The following CTNNA2 variants were observed in gnomAD, a reference collection of about 807,000 sequenced individuals.
CTNNA2 encodes catenin alpha 2, also known as catenin alpha-2.
In CTNNA2, 42 loss-of-function variants were observed where a neutral mutation model predicts 101.0. That is an observed-to-expected ratio of 0.42 (90% confidence interval 0.32 to 0.54). CTNNA2 has a LOEUF of 0.54. Ranked by LOEUF, CTNNA2 falls within the 20% of genes least tolerant of loss-of-function variation. CTNNA2 has a pLI of 0.14. For missense variants in CTNNA2, 871 were observed against 1,223.1 expected (o/e 0.71, Z 4.29); for synonymous variants, 450 against 456.4 (o/e 0.99, Z 0.18).
chr2:79,441,681 C>T (rs1387744516), intron 4 of CTNNA2, among the ~76,000 whole-genome samples: 2 of 152,192 alleles, frequency 1.3e-5, no homozygotes, highest in Non-Finnish European at 2.9e-5. Context: ...TCTACACAAA[C>T]AATGGAGTGG....
intron 2 of CTNNA2, among the ~76,000 whole-genome samples, chr2:79,735,048 T>A (rs979979958): frequency 5.9e-5 from 9 of 152,090 alleles, no homozygotes; most frequent in Non-Finnish European, 8.8e-5. Flanking sequence ...TTATCTGCTT[T>A]AATGTAGAGT....
chr2:80,147,804 T>C (rs1703444757), intron 7 of CTNNA2, among the ~76,000 whole-genome samples: 1 of 152,106 alleles, frequency 6.6e-6, no homozygotes, highest in Middle Eastern at 3.4e-3. Flanking sequence ...TGTTATGATG[T>C]TCATTTGTCA....
In CTNNA2 at chr2:79,829,104, T is replaced by C. The variant is rs567273244; in HGVS notation, c.299-28909T>C. 5.3e-5 allele frequency among the ~76,000 whole-genome samples: 8 copies of C among 152,248 alleles called. No individual in the cohort carries two copies. The South Asian group carries it at 1.7e-3, about 32-fold the overall frequency. On this transcript the variant is annotated intron_variant, in intron 3 of 18. Transcript: ENST00000402739. ...ACTTGAAGAATGAGAACAGTTGAGA[T>C]CTGACCACTTGAAAAGGAACATGTT...
At chr2:79,342,636 A>G (rs1677163141) in intron 3 of CTNNA2, among the ~76,000 whole-genome samples, 1 of 152,312 alleles carries the variant, frequency 6.6e-6, no homozygotes, top group Middle Eastern at 3.4e-3. Context: ...TTTTCATCAG[A>G]ATGATACACT....
chr2:79,392,206 G>A (rs1678181885), intron 4 of CTNNA2, among the ~76,000 whole-genome samples: 1 of 152,166 alleles, frequency 6.6e-6, no homozygotes, highest in Admixed American at 6.5e-5. Context: ...TGATGGGATT[G>A]CTGGTGCTTC....
chr2:80,530,961 A>G (rs1439819397), intron 9 of CTNNA2, among the ~76,000 whole-genome samples: 1 of 152,206 alleles, frequency 6.6e-6, no homozygotes, highest in Non-Finnish European at 1.5e-5. Flanking sequence ...AAAGAAAAGA[A>G]GAGGTGGCAC....
At chr2:80,163,266 C>A in intron 7 of CTNNA2, 1 of 649,660 alleles carries the variant, frequency 1.5e-6, no homozygotes, top group African/African-American at 1.8e-5. Flanking sequence ...ATTAAGCCAG[C>A]CTTGTATCCT....
chr2:79,225,256 A>G (rs749700603), intron 2 of CTNNA2, among the ~76,000 whole-genome samples: 16 of 152,152 alleles, frequency 1.1e-4, no homozygotes, highest in Non-Finnish European at 1.5e-4. Context: ...CACTGACAAT[A>G]TGTTCTAGTT....
At chr2:80,459,765 G>A (rs1414187717) in intron 9 of CTNNA2, among the ~76,000 whole-genome samples, 1 of 152,196 alleles carries the variant, frequency 6.6e-6, no homozygotes, top group Non-Finnish European at 1.5e-5. Flanking sequence ...ATCTGTCTTG[G>A]AGATGATGTG....
chr2:80,455,481 T>C (rs553263385), intron 9 of CTNNA2, among the ~76,000 whole-genome samples: 7 of 152,278 alleles, frequency 4.6e-5, no homozygotes, highest in South Asian at 2.1e-4. Flanking sequence ...AGGAGAGGAA[T>C]GTGAGACTGA....
intron 12 of CTNNA2, among the ~76,000 whole-genome samples, chr2:80,573,859 G>T (rs1270130272): frequency 6.6e-6 from 1 of 152,134 alleles, no homozygotes. Flanking sequence ...TCAGTTTGGG[G>T]TTAGGGTAAC....
At chr2:79,287,170 A>G (rs1384314334) in intron 2 of CTNNA2, among the ~76,000 whole-genome samples, 1 of 152,062 alleles carries the variant, frequency 6.6e-6, no homozygotes, top group Admixed American at 6.6e-5. Flanking sequence ...AATTTTTTTC[A>G]AAGTTTTCAA....
At chr2:80,055,318 A>G (rs1697148479) in intron 7 of CTNNA2, among the ~76,000 whole-genome samples, 1 of 152,026 alleles carries the variant, frequency 6.6e-6, no homozygotes, top group Non-Finnish European at 1.5e-5. Flanking sequence ...CACTTTTGAC[A>G]TGTCTGTTCC....
chr2:79,842,698 G>A (rs988713183), intron 3 of CTNNA2, among the ~76,000 whole-genome samples: 15 of 151,318 alleles, frequency 9.9e-5, no homozygotes, highest in African/African-American at 3.6e-4. Flanking sequence ...CCGTAGTTTT[G>A]GGTGTGTGTT....
At chr2:79,409,731 C>T (rs1478377792) in intron 4 of CTNNA2, among the ~76,000 whole-genome samples, 17 of 148,544 alleles carry the variant, frequency 1.1e-4, no homozygotes, top group Admixed American at 2.7e-4. Context: ...AGTCAGGTAG[C>T]GTGATGCCTC....
chr2:79,591,725 T>TAGAGAA (rs1230494260), intron 1 of CTNNA2, among the ~76,000 whole-genome samples: 1 of 152,110 alleles, frequency 6.6e-6, no homozygotes, highest in Non-Finnish European at 1.5e-5. Context: ...TTTAAAGTCT[T>TAGAGAA]AGAGAAAGAG....
rs530658942 is a variant in CTNNA2 at position 79,909,952 on chromosome 2, G to A, written c.1056+155G>A. On this transcript the variant is annotated intron_variant, in intron 7 of 18. Transcript: ENST00000402739. The stretch of plus-strand genomic sequence containing the variant: ...AAAGAACTGCTTTGGGAGAGCGCGT[G>A]TCGTGTGTGTTGTTTCTGAATCCAT... 8.5e-5 allele frequency among the ~76,000 whole-genome samples: 13 copies of A among 152,298 alleles called. No homozygotes were observed. In the East Asian group the frequency reaches 1.2e-3, roughly 14 times the overall value.
intron 7 of CTNNA2, among the ~76,000 whole-genome samples, chr2:79,955,943 A>G (rs1039039679): frequency 2.0e-5 from 3 of 152,208 alleles, no homozygotes; most frequent in African/African-American, 7.2e-5. Context: ...ATGCTTACAT[A>G]CCAGGTTTCT....
chr2:80,312,332 G>A (rs985413838), intron 7 of CTNNA2, among the ~76,000 whole-genome samples: 10 of 152,260 alleles, frequency 6.6e-5, no homozygotes, highest in Middle Eastern at 3.4e-3. Context: ...TAAAGAGGGC[G>A]GGGGTATGAG....
Sources: allele counts gnomAD v4.1 joint callset (sites outside exome capture counted in the v4.1 genomes callset), GRCh38; gene constraint gnomAD v4.1.1; transcripts MANE v1.5; gene names NCBI Gene and HGNC (gene_info 2026-07-23, HGNC 2026-07-21).